CTNNA2: variants seen among roughly 807,000 people sequenced by gnomAD.
CTNNA2 encodes catenin alpha 2.
A neutral mutation model predicts 101.0 loss-of-function variants in CTNNA2; 42 were observed. The observed-to-expected ratio is 0.42, with a 90% CI of 0.32 to 0.54. The LOEUF (loss-of-function observed/expected upper bound fraction) is 0.54. Ranked by LOEUF, CTNNA2 falls within the 20% of genes least tolerant of loss-of-function variation. CTNNA2 has a pLI of 0.14. For missense variants in CTNNA2, 871 were observed against 1,223.1 expected, an observed-to-expected ratio of 0.71 and a Z score of 4.29; for synonymous variants, 450 against 456.4, an observed-to-expected ratio of 0.99 and a Z score of 0.18.
At chr2:80,517,266 G>T (rs1175945719) in intron 9 of CTNNA2, among the ~76,000 whole-genome samples, 5 of 152,190 alleles carry the variant, frequency 3.3e-5, no homozygotes, top group African/African-American at 1.2e-4. Flanking sequence ...TGTCAGCCCT[G>T]GAGGCTCATT....
At chr2:80,380,723 T>C (rs1387808771) in intron 7 of CTNNA2, among the ~76,000 whole-genome samples, 3 of 152,208 alleles carry the variant, frequency 2.0e-5, no homozygotes, top group African/African-American at 4.8e-5. Context: ...CCTAGCAAAC[T>C]TTCATTTAGA....
chr2:79,801,304 G>T (rs1461832921), intron 3 of CTNNA2, among the ~76,000 whole-genome samples: 2 of 152,136 alleles, frequency 1.3e-5, no homozygotes, highest in Middle Eastern at 3.2e-3. Context: ...CTGCCCCAGG[G>T]TATGCTTTTG....
intron 12 of CTNNA2, among the ~76,000 whole-genome samples, chr2:80,568,023 T>C (rs572043849): frequency 1.3e-5 from 2 of 152,280 alleles, no homozygotes; most frequent in South Asian, 2.1e-4. Flanking sequence ...ATCACCACAG[T>C]TGGGTGACCC....
intron 7 of CTNNA2, among the ~76,000 whole-genome samples, chr2:79,951,631 C>G (rs1258507754): frequency 6.6e-6 from 1 of 151,908 alleles, no homozygotes; most frequent in Admixed American, 6.6e-5. Flanking sequence ...TGCCATAGTA[C>G]TCTAGCCTGG....
chr2:79,753,411 C>T (rs1271534592), intron 3 of CTNNA2, among the ~76,000 whole-genome samples: 1 of 144,918 alleles, frequency 6.9e-6, no homozygotes, highest in East Asian at 1.9e-4. Context: ...AATGGTGTAA[C>T]ACAGCATTGG....
chr2:79,926,043 A>C (rs527516098), intron 7 of CTNNA2, among the ~76,000 whole-genome samples: 1 of 152,284 alleles, frequency 6.6e-6, no homozygotes, highest in African/African-American at 2.4e-5. Flanking sequence ...TGAAATATCC[A>C]AATGAATTCA....
intron 6 of CTNNA2, 152 bp downstream of exon 6, chr2:79,874,494 G>A (rs1682852266): frequency 1.0e-6 from 1 of 989,312 alleles, no homozygotes; most frequent in Admixed American, 2.8e-5. Context: ...ATGCATTTCT[G>A]TAATATATTG....
At chr2:80,498,777 A>G (rs1687656732) in intron 9 of CTNNA2, among the ~76,000 whole-genome samples, 1 of 152,234 alleles carries the variant, frequency 6.6e-6, no homozygotes, top group Admixed American at 6.5e-5. Context: ...TTTTCACAAC[A>G]TCCCTGATAT....
chr2:79,696,626 A>G (rs1684668414), intron 2 of CTNNA2, among the ~76,000 whole-genome samples: 1 of 151,902 alleles, frequency 6.6e-6, no homozygotes, highest in Non-Finnish European at 1.5e-5. Context: ...TTACAATCTC[A>G]CATGCCCATC....
At chr2:80,561,076 G>A (rs2149673691) in intron 12 of CTNNA2, among the ~76,000 whole-genome samples, 1 of 152,214 alleles carries the variant, frequency 6.6e-6, no homozygotes, top group South Asian at 2.1e-4. Flanking sequence ...ACTGATTTCT[G>A]TTGCTAGTGG....
intron 1 of CTNNA2, among the ~76,000 whole-genome samples, chr2:79,576,652 T>C (rs1675819877): frequency 6.6e-6 from 1 of 152,250 alleles, no homozygotes; most frequent in East Asian, 1.9e-4. Context: ...TTAGACGATA[T>C]CACTCATTTT....
At chr2:80,096,871 C>T (rs543625474) in intron 7 of CTNNA2, among the ~76,000 whole-genome samples, 1 of 152,032 alleles carries the variant, frequency 6.6e-6, no homozygotes, top group Non-Finnish European at 1.5e-5. Flanking sequence ...TGATTTTCGT[C>T]CATCCCTTTA....
chr2:80,635,731 TA>T (rs1357564739), intron 18 of CTNNA2, among the ~76,000 whole-genome samples: 2 of 152,246 alleles, frequency 1.3e-5, no homozygotes, highest in South Asian at 2.1e-4. Flanking sequence ...TAAATGGTTT[TA>T]TGATGATTGC....
At chr2:79,862,757 A>G (rs76277966) in intron 4 of CTNNA2, among the ~76,000 whole-genome samples, 2,778 of 152,332 alleles carry the variant, frequency 0.018, 84 homozygotes, top group African/African-American at 0.063. Context: ...GGGAGACATT[A>G]GGACATTAGC....
At chr2:79,826,902 A>G (rs1678487293) in intron 3 of CTNNA2, among the ~76,000 whole-genome samples, 1 of 152,364 alleles carries the variant, frequency 6.6e-6, no homozygotes, top group East Asian at 1.9e-4. Context: ...GAAGAGAAAG[A>G]GAGTCATTAA....
chr2:80,039,473 A>G (rs943765948), intron 7 of CTNNA2, among the ~76,000 whole-genome samples: 3 of 152,312 alleles, frequency 2.0e-5, no homozygotes, highest in South Asian at 2.1e-4. Context: ...AAGAAAAGTG[A>G]AATTCCAGTA....
chr2:79,326,679 T>G (rs1458077984), intron 3 of CTNNA2, among the ~76,000 whole-genome samples: 2 of 152,190 alleles, frequency 1.3e-5, no homozygotes, highest in Non-Finnish European at 2.9e-5. Context: ...GCAAAATGAA[T>G]GAACAAGCTT....
At chr2:79,754,966 C>A (rs1306913078) in intron 3 of CTNNA2, among the ~76,000 whole-genome samples, 1 of 152,076 alleles carries the variant, frequency 6.6e-6, no homozygotes, top group Non-Finnish European at 1.5e-5. Context: ...CATGTATCTT[C>A]CCTCTACGGA....
At chr2:80,485,650 A>AT (rs954818320) in intron 9 of CTNNA2, among the ~76,000 whole-genome samples, 1 of 152,200 alleles carries the variant, frequency 6.6e-6, no homozygotes, top group African/African-American at 2.4e-5. Flanking sequence ...TTTAATAAAT[A>AT]TTTTTTATTA....
Sources: gnomAD v4.1 joint callset for allele counts (sites outside exome capture counted in the v4.1 genomes callset) on GRCh38, gnomAD v4.1.1 for gene constraint, MANE v1.5 for transcripts, NCBI Gene and HGNC (gene_info 2026-07-23, HGNC 2026-07-21) for gene names.